The following CHRM2 variants were observed in gnomAD, a reference collection of about 807,000 sequenced individuals.
The protein encoded by CHRM2 is cholinergic receptor muscarinic 2.
CHRM2 carries 8 observed loss-of-function variants against 25.0 expected under a neutral mutation model. The observed-to-expected ratio is 0.32, with a 90% confidence interval of 0.19 to 0.58. CHRM2 has a LOEUF of 0.58. Ranked by LOEUF, CHRM2 falls within the 20% of genes least tolerant of loss-of-function variation. CHRM2 has a pLI of 0.88. For missense variants in CHRM2, 440 were observed against 567.1 expected, an observed-to-expected ratio of 0.78 and a Z score of 2.28; for synonymous variants, 202 against 205.7, an observed-to-expected ratio of 0.98 and a Z score of 0.15.
At chr7:136,984,975 T>A (rs1022794986) in intron 2 of CHRM2, among the ~76,000 whole-genome samples, 1 of 152,108 alleles carries the variant, frequency 6.6e-6, no homozygotes, top group African/African-American at 2.4e-5. Context: ...GCGTAAGAGT[T>A]CTCCCAGACT....
intron 2 of CHRM2, among the ~76,000 whole-genome samples, chr7:136,912,263 T>A (rs1399503945): frequency 6.6e-6 from 1 of 151,984 alleles, no homozygotes; most frequent in Non-Finnish European, 1.5e-5. Context: ...ATCACTGGAA[T>A]TTGACTTTTT....
chr7:136,879,501 G>A (rs1796177497), intron 2 of CHRM2, among the ~76,000 whole-genome samples: 1 of 151,846 alleles, frequency 6.6e-6, no homozygotes, highest in Non-Finnish European at 1.5e-5. Flanking sequence ...AATCATGACT[G>A]TCTATTGGGA....
At chr7:136,916,716 TG>T (rs2130712231) in intron 2 of CHRM2, among the ~76,000 whole-genome samples, 1 of 151,184 alleles carries the variant, frequency 6.6e-6, no homozygotes, top group African/African-American at 2.4e-5. Context: ...AAACAGCCAC[TG>T]AAAAATGCTA....
At chr7:137,009,747 A>G (rs1804682325) in intron 3 of CHRM2, among the ~76,000 whole-genome samples, 1 of 152,090 alleles carries the variant, frequency 6.6e-6, no homozygotes. Flanking sequence ...GGAGTATAAT[A>G]AACATCCTAA....
intron 2 of CHRM2, among the ~76,000 whole-genome samples, chr7:136,887,590 G>T (rs866220285): frequency 2.0e-5 from 3 of 152,150 alleles, no homozygotes; most frequent in African/African-American, 4.8e-5. Flanking sequence ...AGTGAGTTAA[G>T]AGTGATGAGT....
At chr7:136,978,036 A>G (rs940358927) in intron 2 of CHRM2, among the ~76,000 whole-genome samples, 2 of 37,536 alleles carry the variant, frequency 5.3e-5, no homozygotes, top group Non-Finnish European at 2.4e-4. Flanking sequence ...GAAACTTAAT[A>G]TAAGAAATAG....
At chr7:137,007,859 T>A (rs116512248) in intron 3 of CHRM2, among the ~76,000 whole-genome samples, 3,151 of 152,212 alleles carry the variant, frequency 0.021, 97 homozygotes, top group African/African-American at 0.073. Context: ...CCCCAAGACA[T>A]CCTTAAATAA....
chr7:136,980,350 C>T (rs931875625), intron 2 of CHRM2, among the ~76,000 whole-genome samples: 16 of 152,116 alleles, frequency 1.1e-4, no homozygotes, highest in African/African-American at 3.9e-4. Flanking sequence ...TGGGGTGAGA[C>T]AATGGGGTTT....
At chr7:136,932,851 G>A (rs55895689) in intron 2 of CHRM2, among the ~76,000 whole-genome samples, 36,210 of 151,886 alleles carry the variant, frequency 0.24, 5,663 homozygotes, top group Non-Finnish European at 0.35. Context: ...CCAACATGGC[G>A]AAACCTGGTC....
chr7:136,985,867 A>C (rs71541332), intron 2 of CHRM2, among the ~76,000 whole-genome samples: 1 of 152,212 alleles, frequency 6.6e-6, no homozygotes, highest in Non-Finnish European at 1.5e-5. Context: ...TTCCATATTC[A>C]TTTGGCAAAG....
At chr7:137,005,090 T>C (rs915472675) in intron 3 of CHRM2, among the ~76,000 whole-genome samples, 2 of 152,120 alleles carry the variant, frequency 1.3e-5, no homozygotes, top group Non-Finnish European at 2.9e-5. Context: ...AAGATTTAGC[T>C]ATATGGGGGT....
chr7:136,917,023 TTAA>T (rs972570117), intron 2 of CHRM2, among the ~76,000 whole-genome samples: 3 of 152,026 alleles, frequency 2.0e-5, no homozygotes, highest in African/African-American at 7.2e-5. Context: ...GACCATTGTA[TTAA>T]TGATTCTAAT....
chr7:136,904,603 G>A (rs1424895688), intron 2 of CHRM2, among the ~76,000 whole-genome samples: 2 of 151,406 alleles, frequency 1.3e-5, no homozygotes, highest in Admixed American at 6.6e-5. Flanking sequence ...TTTTAATTCT[G>A]TAGAGGTTTT....
At chr7:136,923,176 G>T (rs2130743766) in intron 2 of CHRM2, among the ~76,000 whole-genome samples, 1 of 151,830 alleles carries the variant, frequency 6.6e-6, no homozygotes, top group South Asian at 2.1e-4. Flanking sequence ...CCACACATCT[G>T]GCAGCCACAA....
chr7:136,988,445 T>C (rs1803000313), intron 2 of CHRM2, among the ~76,000 whole-genome samples: 1 of 152,168 alleles, frequency 6.6e-6, no homozygotes, highest in Non-Finnish European at 1.5e-5. Context: ...GGCCTATATG[T>C]TATGTGCTCT....
intron 2 of CHRM2, among the ~76,000 whole-genome samples, chr7:136,991,492 T>C (rs956817973): frequency 6.6e-6 from 1 of 152,092 alleles, no homozygotes; most frequent in African/African-American, 2.4e-5. Flanking sequence ...CTTGATATAT[T>C]TGTCTATTAT....
chr7:137,015,583 A>G lies in CHRM2; in HGVS notation c.718A>G (p.Ile240Val). The G allele has an allele frequency of 6.2e-7, 1 of 1,612,920 alleles. No individual in the cohort carries two copies. The highest frequency in any genetic ancestry group is 1.3e-5 in the African/African-American group (1 of 74,960). Residue 240 changes from isoleucine (I) to valine (V), a missense_variant, in exon 4 of 4, where the codon ATA becomes GTA. Physicochemically the swap from Ile to Val is conservative, Grantham distance 29. This residue lies in a region of CHRM2 where 261 missense variants were observed against 261.8 expected (regional missense o/e 1.00). Coordinates refer to ENST00000680005, the MANE Select transcript of CHRM2 (RefSeq NM_001006630.2). This position sits in a 1 kb window ranked among gnomAD's most constrained non-coding sequence, Gnocchi z 5.1. ...TTCTCCAAGTCTGGTACAAGGAAGGATAGTGAAGCCAAACAATAACAACAT... is the reference window on the plus strand; with the variant it reads ...TTCTCCAAGTCTGGTACAAGGAAGGGTAGTGAAGCCAAACAATAACAACAT... ...PVSPSLVQGR[I>V]VKPNNNNMPS...
At chr7:136,948,973 T>C (rs930365754) in intron 2 of CHRM2, among the ~76,000 whole-genome samples, 7 of 151,956 alleles carry the variant, frequency 4.6e-5, no homozygotes, top group African/African-American at 7.3e-5. Context: ...GCAATCAAGG[T>C]GGAATGAAGG....
chr7:136,993,621 G>T (rs1803378905), intron 3 of CHRM2, among the ~76,000 whole-genome samples: 1 of 152,068 alleles, frequency 6.6e-6, no homozygotes. Context: ...GTGGCTTTCT[G>T]CCTGTCACTA....
Sources: allele counts gnomAD v4.1 joint callset (sites outside exome capture counted in the v4.1 genomes callset), GRCh38; gene constraint gnomAD v4.1.1; regional missense constraint gnomAD v4.1.1; non-coding constraint Gnocchi (gnomAD v3.1); transcripts MANE v1.5; gene names NCBI Gene and HGNC (gene_info 2026-07-23, HGNC 2026-07-21).